The following DMBX1 variants were observed in gnomAD, a reference collection of about 807,000 sequenced individuals.
DMBX1 encodes the protein diencephalon/mesencephalon homeobox 1.
In DMBX1, 7 loss-of-function variants were observed where a neutral mutation model predicts 30.4. The ratio of observed to expected loss-of-function variants is 0.23; its 90% CI spans 0.13 to 0.43. DMBX1 has a LOEUF of 0.43. Ranked by LOEUF, DMBX1 falls within the 20% of genes least tolerant of loss-of-function variation. The pLI is 1.00. For synonymous variants in DMBX1, 222 were observed against 214.2 expected, an observed-to-expected ratio of 1.04 and a Z score of -0.32; for missense variants, 460 against 508.5, an observed-to-expected ratio of 0.90 and a Z score of 0.92.
chr1:46,509,243 T>G (rs986480799), intron 3 of DMBX1, among the ~76,000 whole-genome samples: 1 of 152,106 alleles, frequency 6.6e-6, no homozygotes, highest in Non-Finnish European at 1.5e-5. Flanking sequence ...CAGCTAATTT[T>G]TTGTATTTTT....
rs75587105 is a variant in DMBX1 at position 46,500,661 on chromosome 1, C to T, written c.-12-6338C>T. ...TGTTAACATTTCAGGTTATAACCTT[C>T]CAGACTTTTTTCTATGCATATTTAT... On this transcript the variant is annotated intron_variant, in intron 2 of 5. Coordinates refer to ENST00000360032, the MANE Select transcript of DMBX1 (RefSeq NM_172225.2). Among the ~76,000 whole-genome samples, 1,338 of 151,942 alleles carry T rather than the reference C, an allele frequency of 8.8e-3. 18 individuals are homozygous for T. The highest frequency in any genetic ancestry group is 0.067 in the East Asian group (344 of 5,164).
At chr1:46,498,600 C>T (rs922971390) in intron 2 of DMBX1, among the ~76,000 whole-genome samples, 3 of 152,074 alleles carry the variant, frequency 2.0e-5, no homozygotes, top group Non-Finnish European at 4.4e-5. Context: ...GTGTACTGTC[C>T]CCTGGTCGCA....
chr1:46,512,943 C>G lies in DMBX1; in HGVS notation c.*449C>G, dbSNP rs1208203403. 1 of 161,812 alleles carries G rather than the reference C, an allele frequency of 6.2e-6. No homozygotes were observed. The highest frequency in any genetic ancestry group is 1.4e-5 in the Non-Finnish European group (1 of 73,950). The allele number at this position is 161,812 out of a possible 1,614,324, so 10.0% of individuals were successfully genotyped here. The stretch of plus-strand genomic sequence containing the variant: ...ACTCCCATCTCTTCTTCCCTGCCAC[C>G]CCTCCCTGCAGCCTCCGCGGCTCAC... On this transcript the variant is annotated 3_prime_UTR_variant, in exon 6 of 6. Coordinates refer to ENST00000360032, the MANE Select transcript of DMBX1 (RefSeq NM_172225.2). This position sits in a 1 kb window ranked among gnomAD's most constrained non-coding sequence, Gnocchi z 4.8.
intron 2 of DMBX1, among the ~76,000 whole-genome samples, chr1:46,501,221 T>A (rs139987105): frequency 1.6e-5 from 1 of 63,234 alleles, no homozygotes; most frequent in Non-Finnish European, 3.0e-5. Flanking sequence ...TTCCTTTCTT[T>A]CTTTCTTTCT....
At chr1:46,492,885 C>T (rs931656428) in intron 2 of DMBX1, among the ~76,000 whole-genome samples, 8 of 152,164 alleles carry the variant, frequency 5.3e-5, no homozygotes, top group African/African-American at 1.9e-4. Context: ...TGCAGACACC[C>T]CGTAGGACAA....
At chr1:46,494,607 T>C (rs895043219) in intron 2 of DMBX1, among the ~76,000 whole-genome samples, 4 of 152,048 alleles carry the variant, frequency 2.6e-5, no homozygotes, top group African/African-American at 9.7e-5. Flanking sequence ...TCCCAGTGGG[T>C]TCTTCTCCTA....
At chr1:46,505,231 C>G (rs1666209759) in intron 2 of DMBX1, among the ~76,000 whole-genome samples, 1 of 143,986 alleles carries the variant, frequency 6.9e-6, no homozygotes, top group Non-Finnish European at 1.5e-5. Context: ...ACCATTTGAC[C>G]CAGCCATCCC....
intron 2 of DMBX1, among the ~76,000 whole-genome samples, chr1:46,498,025 G>C (rs777881285): frequency 4.6e-5 from 7 of 152,192 alleles, no homozygotes; most frequent in Non-Finnish European, 1.0e-4. Context: ...AGAGTGCAGG[G>C]CCTCTGTTTA....
At position 46,506,982 on chromosome 1, in the gene DMBX1, C is replaced by T; in HGVS notation, c.-12-17C>T. On this transcript the variant is annotated splice_polypyrimidine_tract_variant and intron_variant, in intron 2 of 5. Transcript: ENST00000360032. ...GATAGGCCTGCCTCATGGCCCCTCT[C>T]CCTTTTCCGTCTGTAGGCGGATGCC... 6.2e-7 allele frequency: 1 copy of T among 1,612,636 alleles called. No homozygotes were observed. The highest frequency in any genetic ancestry group is 8.5e-7 in the Non-Finnish European group (1 of 1,179,004).
rs1305722138 is a variant in DMBX1, at chr1:46,510,160, C to G, written c.155-316C>G. On this transcript the variant is annotated intron_variant, in intron 3 of 5. Transcript: ENST00000360032. The surrounding 1 kb of genome is among the most constrained non-coding windows in gnomAD (Gnocchi z 4.1). ...GAGTCTCAAAGTATACTCATAGTAT[C>G]CATCTTAGGGTAATACCCACCTACC... 1.3e-5 allele frequency among the ~76,000 whole-genome samples: 2 copies of G among 152,194 alleles called. 1 individual carries two copies. The highest frequency in any genetic ancestry group is 2.9e-5 in the Non-Finnish European group (2 of 68,050).
rs1194285836 is a variant in DMBX1, at chr1:46,491,911, G to A, written c.-13+1128G>A. Among the ~76,000 whole-genome samples the A allele has an allele frequency of 2.6e-5, 4 of 152,178 alleles. No homozygotes were observed. Among genetic ancestry groups the A allele is most frequent in the African/African-American group, 9.7e-5 (4 of 41,430 alleles). The stretch of plus-strand genomic sequence containing the variant: ...TGTTCAGAAAAAAATCGAATTTGCT[G>A]CCTAGTGAGAGCAAATTCTCTGGAT... On this transcript the variant is annotated intron_variant, in intron 2 of 5. Transcript: ENST00000360032. The surrounding 1 kb of genome is among the most constrained non-coding windows in gnomAD (Gnocchi z 5.5).
chr1:46,502,518 T>C (rs951030961), intron 2 of DMBX1, among the ~76,000 whole-genome samples: 1 of 152,232 alleles, frequency 6.6e-6, no homozygotes, highest in East Asian at 1.9e-4. Context: ...AGTGTCCTAG[T>C]GGCCTGGTCT....
rs1049745939 is a variant in DMBX1, at chr1:46,493,711, G to A, written c.-13+2928G>A. 1.1e-4 allele frequency among the ~76,000 whole-genome samples: 17 copies of A among 152,248 alleles called. No homozygotes were observed. The highest frequency in any genetic ancestry group is 3.9e-4 in the African/African-American group (16 of 41,464). ...TGGAGCCCACTGGGTTTCCCGGCCT[G>A]TTCCAGCCTCCACAGCTCTATCTCC... On this transcript the variant is annotated intron_variant, in intron 2 of 5. Transcript: ENST00000360032. This position sits in a 1 kb window ranked among gnomAD's most constrained non-coding sequence, Gnocchi z 4.1.
chr1:46,496,234 G>C (rs1337511283), intron 2 of DMBX1, among the ~76,000 whole-genome samples: 1 of 152,156 alleles, frequency 6.6e-6, no homozygotes, highest in Non-Finnish European at 1.5e-5. Flanking sequence ...GTAGTAGCTG[G>C]GGATGTCATC....
In DMBX1 at chr1:46,511,065, C is replaced by T. The variant is rs1160625365; in HGVS notation, c.464C>T (p.Thr155Ile). ...EGKAEAPTPD[T>I]QLDTEQPPRL... ...AAGGCCGAGGCCCCCACTCCAGATACCCAGCTGGACACTGAGCAGCCCCCA... is the reference window on the plus strand; with the variant it reads ...AAGGCCGAGGCCCCCACTCCAGATATCCAGCTGGACACTGAGCAGCCCCCA... The change falls in exon 5 of 6, where the codon ACC (threonine) becomes ATC (isoleucine). Residue 155 changes from threonine to isoleucine, a missense_variant. Around this residue, in one of 3 missense-constraint regions of DMBX1, gnomAD observed 334 missense variants for 345.1 expected, o/e 0.97. Coordinates refer to ENST00000360032, the MANE Select transcript of DMBX1 (RefSeq NM_172225.2). 1 of 1,614,122 alleles carries T rather than the reference C, an allele frequency of 6.2e-7. No individual in the cohort carries two copies. The highest frequency in any genetic ancestry group is 1.3e-5 in the African/African-American group (1 of 75,060).
chr1:46,494,941 A>G (rs528229134), intron 2 of DMBX1, among the ~76,000 whole-genome samples: 6 of 152,294 alleles, frequency 3.9e-5, no homozygotes, highest in Non-Finnish European at 8.8e-5. Context: ...GGGAGGGAAC[A>G]TGGCCAAGGT....
rs538014227 is a variant in DMBX1 at position 46,505,757 on chromosome 1, A to T, written c.-12-1242A>T. On this transcript the variant is annotated intron_variant, in intron 2 of 5. Coordinates refer to ENST00000360032, the MANE Select transcript of DMBX1 (RefSeq NM_172225.2). ...CTAAAACTTAAAGTATAATAATAAT[A>T]AAAAAAAATAAAACATTAACTTCTA... Among the ~76,000 whole-genome samples, 7 of 150,446 alleles carry T rather than the reference A, an allele frequency of 4.7e-5. No homozygotes were observed. In the South Asian group the frequency reaches 8.5e-4, roughly 18 times the overall value.
intron 2 of DMBX1, among the ~76,000 whole-genome samples, chr1:46,502,668 C>T (rs1666159823): frequency 6.6e-6 from 1 of 152,146 alleles, no homozygotes; most frequent in Non-Finnish European, 1.5e-5. Context: ...AGGAGGACTG[C>T]TTGAGCCCAG....
At position 46,501,213 on chromosome 1, in the gene DMBX1, C is replaced by CCTTCCTTCCTTTCTTT. The variant is rs1179560561; in HGVS notation, c.-12-5783_-12-5782insCCTTCCTTTCTTTCTT. On this transcript the variant is annotated intron_variant, in intron 2 of 5. Coordinates refer to ENST00000360032, the MANE Select transcript of DMBX1 (RefSeq NM_172225.2). ...CTCTCCCTTCCTTCCTTCCTTCCTT[C>CCTTCCTTCCTTTCTTT]CTTTCTTTCTTTCTTTCTTTCTTTC... 1.6e-3 allele frequency among the ~76,000 whole-genome samples: 122 copies of CCTTCCTTCCTTTCTTT among 74,518 alleles called. 1 individual carries two copies. The highest frequency in any genetic ancestry group is 6.1e-3 in the African/African-American group (107 of 17,506). The allele number at this position is 74,518 out of a possible 152,430, so 48.9% of individuals were successfully genotyped here.
Sources: gnomAD v4.1 joint callset for allele counts (sites outside exome capture counted in the v4.1 genomes callset) on GRCh38, gnomAD v4.1.1 for gene constraint, gnomAD v4.1.1 regional missense constraint, Gnocchi (gnomAD v3.1) non-coding constraint, MANE v1.5 for transcripts, NCBI Gene and HGNC (gene_info 2026-07-23, HGNC 2026-07-21) for gene names.